LIMA1: variants seen among roughly 807,000 people sequenced by gnomAD.
LIMA1 encodes the protein LIM domain and actin-binding protein 1.
Under a neutral mutation model 62.6 loss-of-function variants are expected in LIMA1, and 52 were observed. The ratio of observed to expected loss-of-function variants is 0.83; its 90% CI spans 0.67 to 1.05. The LOEUF (loss-of-function observed/expected upper bound fraction) is 1.05. Among genes scored for constraint, LIMA1 ranks in the 50% least tolerant of loss-of-function variants. The probability of loss-of-function intolerance (pLI) is 0.00; values close to 1 mark genes in which losing one functional copy is unlikely to be tolerated. For missense variants in LIMA1, 780 were observed against 902.2 expected (o/e 0.86, Z 1.74); for synonymous variants, 302 against 317.8 (o/e 0.95, Z 0.53).
At chr12:50,185,429 C>G (rs1459551467) in intron 9 of LIMA1, 1 of 455,988 alleles carries the variant, frequency 2.2e-6, no homozygotes, top group Non-Finnish European at 4.4e-6. Flanking sequence ...AAATTAGGTA[C>G]CAGGAGCAGG....
chr12:50,258,294 T>C (rs1592560736), intron 1 of LIMA1, among the ~76,000 whole-genome samples: 1 of 130,072 alleles, frequency 7.7e-6, no homozygotes, highest in African/African-American at 3.4e-5. Context: ...GTATACACAC[T>C]GCTTTTTGTG....
chr12:50,221,384 G>T (rs187053743), intron 4 of LIMA1, among the ~76,000 whole-genome samples: 3 of 152,258 alleles, frequency 2.0e-5, no homozygotes. Context: ...CTCTGGGGAC[G>T]AGGTCTGCAA....
At chr12:50,180,933 A>G (rs1381982244) in intron 10 of LIMA1, among the ~76,000 whole-genome samples, 1 of 151,818 alleles carries the variant, frequency 6.6e-6, no homozygotes, top group Non-Finnish European at 1.5e-5. Context: ...TAACATGGTG[A>G]AACCCCTTCT....
chr12:50,225,403 G>A (rs1216001439), intron 3 of LIMA1, among the ~76,000 whole-genome samples: 1 of 152,078 alleles, frequency 6.6e-6, no homozygotes, highest in Non-Finnish European at 1.5e-5. Flanking sequence ...AGTCCTGACA[G>A]TTTATATGGT....
chr12:50,248,198 G>A (rs1301917469), intron 2 of LIMA1, among the ~76,000 whole-genome samples: 5 of 152,172 alleles, frequency 3.3e-5, no homozygotes, highest in African/African-American at 1.2e-4. Context: ...ATTGGAAAGT[G>A]CAGGTATAGA....
chr12:50,178,965 TA>T (rs145936443), intron 10 of LIMA1, among the ~76,000 whole-genome samples: 16,928 of 106,856 alleles, frequency 0.16, 1,174 homozygotes, highest in Middle Eastern at 0.24. Flanking sequence ...TATATATATA[TA>T]TTTTTTTTTT....
At chr12:50,201,503 A>G in intron 6 of LIMA1, 2 of 984,244 alleles carry the variant, frequency 2.0e-6, no homozygotes, top group Non-Finnish European at 2.4e-6. Context: ...ACATAAAAGA[A>G]CATGCATTTT....
intron 1 of LIMA1, among the ~76,000 whole-genome samples, chr12:50,271,870 C>T (rs1488769638): frequency 3.3e-5 from 5 of 152,194 alleles, no homozygotes; most frequent in Non-Finnish European, 7.3e-5. Context: ...GGCCCACCTA[C>T]ATAACTGAAA....
chr12:50,247,479 C>T (rs556657655), intron 2 of LIMA1, among the ~76,000 whole-genome samples: 2 of 152,140 alleles, frequency 1.3e-5, no homozygotes, highest in Admixed American at 1.3e-4. Context: ...GCATCAACCG[C>T]CTGACTTGTG....
intron 9 of LIMA1, among the ~76,000 whole-genome samples, chr12:50,190,699 T>C (rs1309939185): frequency 1.4e-5 from 1 of 72,434 alleles, no homozygotes; most frequent in African/African-American, 4.6e-5. Context: ...TTTTTTTTTT[T>C]TTTTTTTTTT....
chr12:50,218,682 G>C (rs1941390705), intron 4 of LIMA1, among the ~76,000 whole-genome samples: 1 of 151,940 alleles, frequency 6.6e-6, no homozygotes, highest in South Asian at 2.1e-4. Flanking sequence ...AAGGCAGGAG[G>C]ATCACTTGAG....
chr12:50,276,023 C>T (rs1334727211), intron 1 of LIMA1, among the ~76,000 whole-genome samples: 1 of 151,958 alleles, frequency 6.6e-6, no homozygotes. Flanking sequence ...TAACCACTGC[C>T]AGGTAATTCT....
rs1940802028 is a variant in LIMA1, at chr12:50,192,546, T to C, written c.1046A>G (p.Lys349Arg). 1 of 1,612,960 alleles carries C rather than the reference T, an allele frequency of 6.2e-7. No individual in the cohort carries two copies. Among genetic ancestry groups the C allele is most frequent in the African/African-American group, 1.3e-5 (1 of 75,042 alleles). The change falls in exon 9 of 11, where the codon AAG becomes AGG. Residue 349 changes from lysine (K) to arginine (R), a missense_variant. Lys to Arg is a conservative substitution (Grantham distance 26). Transcript: ENST00000341247. ...ATGGACAGGCTGTTGAACCTCACTC[T>C]TAACCTGGGAGTCACCTGCTTGAGT... is the stretch of plus-strand genomic sequence containing the variant. ...AEDDSRDSQV[K>R]SEVQQPVHPK...
intron 8 of LIMA1, among the ~76,000 whole-genome samples, chr12:50,193,481 ATATAG>A (rs1467068659): frequency 7.1e-6 from 1 of 140,258 alleles, no homozygotes; most frequent in African/African-American, 2.7e-5. Context: ...ATTTATATAT[ATATAG>A]TATATATATA....
intron 2 of LIMA1, among the ~76,000 whole-genome samples, chr12:50,247,604 A>AATTATTATT (rs111550387): frequency 0.046 from 6,402 of 140,540 alleles, 213 homozygotes; most frequent in African/African-American, 0.09. Flanking sequence ...TAAATGCTGG[A>AATTATTATT]ATTATTATTA....
rs1029866032 is a variant in LIMA1 at position 50,239,831 on chromosome 12, T to TA, written c.120-8122dup. On this transcript the variant is annotated intron_variant, in intron 2 of 10. Transcript: ENST00000341247. The stretch of plus-strand genomic sequence containing the variant: ...GGCAACATGGCGAGACCCCATCTCT[T>TA]AAAAAAAAAATAACTAGCAGGGCTT... Among the ~76,000 whole-genome samples, 298 of 147,164 alleles carry TA rather than the reference T, an allele frequency of 2.0e-3. 1 individual carries two copies. The highest frequency in any genetic ancestry group is 6.1e-3 in the African/African-American group (246 of 40,120).
At chr12:50,269,402 A>T (rs945064184) in intron 1 of LIMA1, among the ~76,000 whole-genome samples, 8 of 152,206 alleles carry the variant, frequency 5.3e-5, no homozygotes, top group Admixed American at 1.3e-4. Flanking sequence ...TGGAAACAAA[A>T]TGATCTGCAG....
At chr12:50,201,370 T>C in intron 6 of LIMA1, 1 of 984,170 alleles carries the variant, frequency 1.0e-6, no homozygotes, top group Non-Finnish European at 1.2e-6. Flanking sequence ...AAACTGAAAT[T>C]ATATTTAATG....
intron 3 of LIMA1, among the ~76,000 whole-genome samples, chr12:50,227,144 C>T (rs900718425): frequency 2.6e-5 from 4 of 151,822 alleles, no homozygotes; most frequent in African/African-American, 7.3e-5. Context: ...AGATAGACAT[C>T]TCTCCTTTTC....
Sources: allele counts gnomAD v4.1 joint callset (sites outside exome capture counted in the v4.1 genomes callset), GRCh38; gene constraint gnomAD v4.1.1; transcripts MANE v1.5; gene names NCBI Gene and HGNC (gene_info 2026-07-23, HGNC 2026-07-21).